The following SNRNP70 variants were observed in gnomAD, a reference collection of about 807,000 sequenced individuals.
SNRNP70 encodes U1 small nuclear ribonucleoprotein 70 kDa.
SNRNP70 carries 8 observed loss-of-function variants against 50.5 expected under a neutral mutation model. That is an observed-to-expected ratio of 0.16 (90% confidence interval 0.09 to 0.29). The LOEUF is 0.29. SNRNP70 is among the 10% of genes least tolerant of loss of function. The pLI is 1.00. For synonymous variants in SNRNP70, 320 were observed against 252.9 expected (o/e 1.27, Z -2.52); for missense variants, 529 against 663.5 (o/e 0.80, Z 2.23).
At chr19:49,096,615 AG>A (rs1452080476) in intron 4 of SNRNP70, among the ~76,000 whole-genome samples, 4 of 149,014 alleles carry the variant, frequency 2.7e-5, no homozygotes, top group East Asian at 4.1e-4. Context: ...AAAATACAAA[AG>A]ATTAGCTGGG....
intron 1 of SNRNP70, among the ~76,000 whole-genome samples, chr19:49,086,041 G>A (rs560613655): frequency 1.8e-4 from 27 of 152,194 alleles, no homozygotes; most frequent in African/African-American, 5.3e-4. Context: ...CTCGTAATTT[G>A]CCCTCCACGG....
chr19:49,108,283 G>A lies in SNRNP70; in HGVS notation c.1154G>A (p.Ser385Asn). 2 of 1,566,384 alleles carry A rather than the reference G, an allele frequency of 1.3e-6. No individual in the cohort carries two copies. The highest frequency in any genetic ancestry group is 1.4e-5 in the African/African-American group (1 of 73,750). The part of the protein sequence containing the change: ...DREHKRGERG[S>N]ERGRDEARGG... ...GAGCACAAACGGGGGGAGCGGGGCA[G>A]TGAGCGGGGCAGGGATGAGGCCCGA... The change falls in exon 10 of 10, where the codon AGT becomes AAT. Residue 385 changes from serine to asparagine, a missense_variant. Around this residue, in one of 4 missense-constraint regions of SNRNP70, gnomAD observed 327 missense variants for 308.8 expected, o/e 1.06. Coordinates refer to ENST00000598441, the MANE Select transcript of SNRNP70 (RefSeq NM_003089.6).
intron 4 of SNRNP70, among the ~76,000 whole-genome samples, chr19:49,097,616 G>A (rs879273723): frequency 2.6e-5 from 4 of 152,214 alleles, no homozygotes; most frequent in African/African-American, 4.8e-5. Flanking sequence ...TGGAAGAACC[G>A]GCAGAGTGTC....
chr19:49,085,916 C>CT lies in SNRNP70; in HGVS notation c.-11+285dup, dbSNP rs546748526. Among the ~76,000 whole-genome samples the CT allele has an allele frequency of 1.6e-4, 25 of 152,312 alleles. No individual in the cohort carries two copies. In the South Asian group the frequency reaches 4.6e-3, roughly 28 times the overall value. The stretch of plus-strand genomic sequence containing the variant: ...GGACCCTTACCCATAATTCCTTTCG[C>CT]TTTTTGCGGGGTCCAGGTCTGTTAC... On this transcript the variant is annotated intron_variant, in intron 1 of 9. Coordinates refer to ENST00000598441, the MANE Select transcript of SNRNP70 (RefSeq NM_003089.6).
chr19:49,107,256 T>C lies in SNRNP70; in HGVS notation c.578-369T>C, dbSNP rs2040683156. On this transcript the variant is annotated intron_variant, in intron 8 of 9. Transcript: ENST00000598441. This position sits in a 1 kb window ranked among gnomAD's most constrained non-coding sequence, Gnocchi z 6.0. ...TAGGCTGGGGGACGCCAGCAAAGGCTTCTAAGCAGATCACATTTTTGGGTG... is the reference window on the plus strand; with the variant it reads ...TAGGCTGGGGGACGCCAGCAAAGGCCTCTAAGCAGATCACATTTTTGGGTG... Among the ~76,000 whole-genome samples, 1 of 152,208 alleles carries C rather than the reference T, an allele frequency of 6.6e-6. No homozygotes were observed. Among genetic ancestry groups the C allele is most frequent in the Non-Finnish European group, 1.5e-5 (1 of 68,034 alleles).
chr19:49,090,224 C>T, intron 2 of SNRNP70, 67 bp from the exon 3 acceptor site: 1 of 1,408,112 alleles, frequency 7.1e-7, no homozygotes, highest in Non-Finnish European at 1.0e-6. Flanking sequence ...TGTTTATTTC[C>T]TTGGTGAGTG....
Position 49,108,137 on chromosome 19 carries a change from GCCTGACGGC to G in SNRNP70, c.1017_1025del (p.Asp341_Pro343del), listed in dbSNP as rs1260834199. 43 of 1,544,494 alleles carry G rather than the reference GCCTGACGGC, an allele frequency of 2.8e-5. No individual in the cohort carries two copies. Among genetic ancestry groups the G allele is most frequent in the Admixed American group, 1.9e-4 (9 of 48,304 alleles). On this transcript the variant is annotated inframe_deletion, in exon 10 of 10. Coordinates refer to ENST00000598441, the MANE Select transcript of SNRNP70 (RefSeq NM_003089.6). ...ATGATGGGCCTCCAGGGGAGCTCGGGCCTGACGGCCCTGACGGTCCAGAGGAAAAGGGCC... is the reference window on the plus strand; with the variant it reads ...ATGATGGGCCTCCAGGGGAGCTCGGGCCTGACGGTCCAGAGGAAAAGGGCC...
intron 6 of SNRNP70, 151 bp downstream of exon 6, chr19:49,098,855 G>A: frequency 1.5e-6 from 1 of 688,854 alleles, no homozygotes; most frequent in Non-Finnish European, 2.6e-6. Flanking sequence ...CCATGCAGCA[G>A]ACCTTGGGCA....
chr19:49,086,583 G>C (rs746371505), intron 2 of SNRNP70, 22 bp downstream of exon 2: 3 of 1,612,004 alleles, frequency 1.9e-6, no homozygotes, highest in Non-Finnish European at 2.5e-6. Flanking sequence ...GAGCAGGCCA[G>C]GAATGGTTTG....
intron 7 of SNRNP70, chr19:49,102,497 GCAGGGCTCCAGGC>G (rs745396998): frequency 4.7e-5 from 12 of 254,486 alleles, no homozygotes; most frequent in East Asian, 3.8e-4. Flanking sequence ...AACACCGAGG[GCAGGGCTCCAGGC>G]CAGGGCTCCA....
In SNRNP70 at chr19:49,093,415, G is replaced by A. The variant is rs536148941; in HGVS notation, c.265+2895G>A. Among the ~76,000 whole-genome samples the A allele has an allele frequency of 7.2e-5, 11 of 152,122 alleles. No homozygotes were observed. The South Asian group carries it at 1.9e-3, about 26-fold the overall frequency. On this transcript the variant is annotated intron_variant, in intron 4 of 9. Transcript: ENST00000598441. ...ATGCTTTTTAAAAACGGTTCCACCC[G>A]GGCGTGGTGGCTCACGCCTGTAATC...
In SNRNP70 at chr19:49,086,572, T is replaced by C. The variant is rs749532952; in HGVS notation, c.147+11T>C. 2 of 1,613,550 alleles carry C rather than the reference T, an allele frequency of 1.2e-6. No homozygotes were observed. Among genetic ancestry groups the C allele is most frequent in the South Asian group, 2.2e-5 (2 of 91,022 alleles). ...ATTCGAGAGTTTGAGGTGAGTTCAC[T>C]GAGCAGGCCAGGAATGGTTTGGGTT... On this transcript the variant is annotated intron_variant, in intron 2 of 9. Coordinates refer to ENST00000598441, the MANE Select transcript of SNRNP70 (RefSeq NM_003089.6).
chr19:49,100,201 T>A (rs1222514380), intron 6 of SNRNP70, among the ~76,000 whole-genome samples: 1 of 152,168 alleles, frequency 6.6e-6, no homozygotes, highest in African/African-American at 2.4e-5. Context: ...TCTGGCCACC[T>A]CTGTCTCAAC....
At position 49,090,528 on chromosome 19, in the gene SNRNP70, T is replaced by C. The variant is rs2122315627; in HGVS notation, c.265+8T>C. On this transcript the variant is annotated splice_region_variant and intron_variant, in intron 4 of 9. Transcript: ENST00000598441. ...AGACAGAGCTTAAAATGTGTAAGTC[T>C]CTCATCCACCATTTGGCTCTCTCCT... is the stretch of plus-strand genomic sequence containing the variant. 6.2e-7 allele frequency: 1 copy of C among 1,613,754 alleles called. No individual in the cohort carries two copies. The highest frequency in any genetic ancestry group is 8.5e-7 in the Non-Finnish European group (1 of 1,179,696).
intron 8 of SNRNP70, among the ~76,000 whole-genome samples, chr19:49,106,865 A>G (rs1038152132): frequency 1.3e-5 from 2 of 152,186 alleles, no homozygotes; most frequent in African/African-American, 4.8e-5. Flanking sequence ...TACCGTGAGC[A>G]AGAGCTGGGC....
chr19:49,097,121 ACT>A (rs144736100), intron 4 of SNRNP70, among the ~76,000 whole-genome samples: 2,820 of 151,234 alleles, frequency 0.019, 93 homozygotes, highest in African/African-American at 0.065. Flanking sequence ...ACAGAGCAAG[ACT>A]CTGTTTAAAA....
chr19:49,088,758 G>A (rs2040413617), intron 2 of SNRNP70, among the ~76,000 whole-genome samples: 1 of 152,172 alleles, frequency 6.6e-6, no homozygotes, highest in Non-Finnish European at 1.5e-5. Context: ...GCCTCCCAAA[G>A]TGCTGGGATT....
chr19:49,086,272 C>T (rs998628271), intron 1 of SNRNP70, 133 bp from the exon 2 acceptor site: 13 of 1,029,516 alleles, frequency 1.3e-5, no homozygotes, highest in East Asian at 2.5e-5. Flanking sequence ...CAGGACTGTT[C>T]TCTGCCCTTA....
chr19:49,096,972 A>G (rs2040521402), intron 4 of SNRNP70, among the ~76,000 whole-genome samples: 1 of 151,574 alleles, frequency 6.6e-6, no homozygotes, highest in Admixed American at 6.6e-5. Flanking sequence ...TCTACTAACA[A>G]TACAAAAATT....
Sources: allele counts gnomAD v4.1 joint callset (sites outside exome capture counted in the v4.1 genomes callset), GRCh38; gene constraint gnomAD v4.1.1; regional missense constraint gnomAD v4.1.1; non-coding constraint Gnocchi (gnomAD v3.1); transcripts MANE v1.5; gene names NCBI Gene and HGNC (gene_info 2026-07-23, HGNC 2026-07-21).